PIK3C3: variants seen among roughly 807,000 people sequenced by gnomAD.
PIK3C3 encodes PI3-kinase type 3.
In PIK3C3, 95 loss-of-function variants were observed where a neutral mutation model predicts 126.1. The ratio of observed to expected loss-of-function variants is 0.75; its 90% CI spans 0.64 to 0.89. The LOEUF (loss-of-function observed/expected upper bound fraction) is 0.89, where lower values mean the gene tolerates loss of function less well. Ranked by LOEUF, PIK3C3 falls within the 40% of genes least tolerant of loss-of-function variation. PIK3C3 has a pLI of 0.00. For synonymous variants in PIK3C3, 374 were observed against 360.0 expected (o/e 1.04, Z -0.44); for missense variants, 829 against 1,063.2 (o/e 0.78, Z 3.06).
At chr18:41,969,113 CCA>C (rs1177314274) in intron 3 of PIK3C3, among the ~76,000 whole-genome samples, 2 of 151,404 alleles carry the variant, frequency 1.3e-5, no homozygotes, top group Admixed American at 6.6e-5. Context: ...GCCACCATGC[CCA>C]GTCTGTACCT....
intron 10 of PIK3C3, among the ~76,000 whole-genome samples, chr18:42,008,431 A>T (rs1982651433): frequency 6.6e-6 from 1 of 152,176 alleles, no homozygotes; most frequent in Admixed American, 6.5e-5. Context: ...GGAGTGTGGG[A>T]TATATGTAGT....
intron 19 of PIK3C3, among the ~76,000 whole-genome samples, chr18:42,043,356 G>T (rs1341234530): frequency 1.3e-5 from 2 of 152,126 alleles, no homozygotes; most frequent in African/African-American, 4.8e-5. Context: ...CTCCCAAAGT[G>T]CTGGAATTAC....
intron 24 of PIK3C3, among the ~76,000 whole-genome samples, chr18:42,073,477 G>C (rs1396874428): frequency 6.6e-6 from 1 of 152,174 alleles, no homozygotes; most frequent in Non-Finnish European, 1.5e-5. Context: ...TCTCTCAAAA[G>C]TGTTTCAGTT....
chr18:42,087,088 TTGTC>T lies in PIK3C3; in HGVS notation c.*5954_*5957del, dbSNP rs983320698. On this transcript the variant is annotated 3_prime_UTR_variant, in exon 25 of 25. Coordinates refer to ENST00000262039, the MANE Select transcript of PIK3C3 (RefSeq NM_002647.4). ...TTTCAGCCCTTTTGAAGTGGGTACA[TTGTC>T]TGGAGTACATACCCTGGGGTTCATT... 2 of 152,170 alleles carry T rather than the reference TTGTC, an allele frequency of 1.3e-5. No individual in the cohort carries two copies. The highest frequency in any genetic ancestry group is 4.8e-5 in the African/African-American group (2 of 41,446). The allele number at this position is 152,170 out of a possible 1,614,324, so 9.4% of individuals were successfully genotyped here. A position where few individuals can be genotyped will look rare whatever the true frequency, so the allele number is the denominator to read the frequency against.
In PIK3C3 at chr18:42,082,464, T is replaced by C. The variant is rs2062792331; in HGVS notation, c.*1327T>C. ...CTGCTGATTAGAAAAATGGTAAAAATGAAAATACCTTTGTACATCATCTTA... is the reference window on the plus strand; with the variant it reads ...CTGCTGATTAGAAAAATGGTAAAAACGAAAATACCTTTGTACATCATCTTA... On this transcript the variant is annotated 3_prime_UTR_variant, in exon 25 of 25. Coordinates refer to ENST00000262039, the MANE Select transcript of PIK3C3 (RefSeq NM_002647.4). 1 of 152,150 alleles carries C rather than the reference T, an allele frequency of 6.6e-6. No individual in the cohort carries two copies. Among genetic ancestry groups the C allele is most frequent in the South Asian group, 2.1e-4 (1 of 4,832 alleles). 9.4% of individuals were successfully genotyped at this position (152,150 alleles called of 1,614,324 possible).
intron 24 of PIK3C3, among the ~76,000 whole-genome samples, chr18:42,070,929 A>G (rs1985747834): frequency 6.6e-6 from 1 of 152,220 alleles, no homozygotes; most frequent in South Asian, 2.1e-4. Context: ...CATTTTATAC[A>G]CATTAACAGA....
intron 15 of PIK3C3, among the ~76,000 whole-genome samples, chr18:42,030,191 A>G (rs575611931): frequency 1.3e-5 from 2 of 152,192 alleles, no homozygotes; most frequent in Non-Finnish European, 2.9e-5. Flanking sequence ...TGAGAAAACA[A>G]AAGTCCAGAT....
intron 21 of PIK3C3, among the ~76,000 whole-genome samples, chr18:42,057,065 C>CCT (rs34551238): frequency 2.1e-5 from 3 of 142,394 alleles, no homozygotes; most frequent in African/African-American, 7.7e-5. Context: ...TGAACCCCCC[C>CCT]CCCCGTGTTG....
intron 4 of PIK3C3, among the ~76,000 whole-genome samples, chr18:41,975,804 A>T (rs1980892040): frequency 6.7e-6 from 1 of 148,492 alleles, no homozygotes. Flanking sequence ...AGTTCATGCC[A>T]TTCTCCTGCC....
intron 15 of PIK3C3, among the ~76,000 whole-genome samples, chr18:42,030,463 G>T (rs1213960024): frequency 6.6e-6 from 1 of 152,088 alleles, no homozygotes; most frequent in African/African-American, 2.4e-5. Context: ...ACATTTTAGT[G>T]TTCCTTTGAC....
At chr18:42,022,079 T>G (rs914720436) in intron 13 of PIK3C3, among the ~76,000 whole-genome samples, 10 of 152,344 alleles carry the variant, frequency 6.6e-5, no homozygotes, top group Non-Finnish European at 1.0e-4. Flanking sequence ...GAGGTAATGC[T>G]CTGCTGGGTA....
At chr18:41,992,182 A>G (rs747915196) in intron 6 of PIK3C3, among the ~76,000 whole-genome samples, 3 of 152,174 alleles carry the variant, frequency 2.0e-5, no homozygotes, top group Admixed American at 6.6e-5. Flanking sequence ...CCACCCTGTC[A>G]TATTTCCACT....
chr18:42,057,100 C>T (rs1985102908), intron 21 of PIK3C3, among the ~76,000 whole-genome samples: 1 of 130,446 alleles, frequency 7.7e-6, no homozygotes, highest in Non-Finnish European at 1.6e-5. Context: ...TAAATATGTA[C>T]AACGTGAAAC....
At position 42,084,635 on chromosome 18, in the gene PIK3C3, G is replaced by A. The variant is rs1171660922; in HGVS notation, c.*3498G>A. The stretch of plus-strand genomic sequence containing the variant: ...AAAACAGAATAAGCCTCAGAAGATA[G>A]TGAGCATCCCACCTGGGTGACCACT... On this transcript the variant is annotated 3_prime_UTR_variant, in exon 25 of 25. Coordinates refer to ENST00000262039, the MANE Select transcript of PIK3C3 (RefSeq NM_002647.4). The A allele has an allele frequency of 6.8e-6, 1 of 147,578 alleles. No homozygotes were observed. The highest frequency in any genetic ancestry group is 2.5e-5 in the African/African-American group (1 of 40,114). 9.1% of individuals were successfully genotyped at this position (147,578 alleles called of 1,614,324 possible).
intron 10 of PIK3C3, among the ~76,000 whole-genome samples, chr18:42,011,696 A>G (rs1982834241): frequency 6.6e-6 from 1 of 152,198 alleles, no homozygotes; most frequent in African/African-American, 2.4e-5. Flanking sequence ...GCTGCTCAGT[A>G]TGAGAGACTT....
intron 4 of PIK3C3, 129 bp downstream of exon 4, chr18:41,970,585 T>C (rs931589741): frequency 3.4e-5 from 29 of 843,496 alleles, no homozygotes; most frequent in Non-Finnish European, 5.4e-5. Flanking sequence ...AATTGTTTTA[T>C]TGAGATATAA....
At chr18:41,987,939 A>C (rs757476291) in intron 5 of PIK3C3, 41 bp downstream of exon 5, 32 of 1,200,328 alleles carry the variant, frequency 2.7e-5, no homozygotes, top group South Asian at 1.2e-4. Context: ...ATTTTCTGTA[A>C]ATTTTTAAAT....
chr18:42,018,313 C>T (rs1303179875), intron 12 of PIK3C3, among the ~76,000 whole-genome samples: 1 of 151,860 alleles, frequency 6.6e-6, no homozygotes, highest in Non-Finnish European at 1.5e-5. Flanking sequence ...TTAAATTCAA[C>T]TTTTCTTTAT....
intron 24 of PIK3C3, among the ~76,000 whole-genome samples, chr18:42,071,290 A>G (rs1198383652): frequency 2.6e-5 from 4 of 152,226 alleles, no homozygotes; most frequent in Non-Finnish European, 4.4e-5. Flanking sequence ...TGTTTGGGAC[A>G]ATAACAGCTT....
Sources: gnomAD v4.1 joint callset for allele counts (sites outside exome capture counted in the v4.1 genomes callset) on GRCh38, gnomAD v4.1.1 for gene constraint, MANE v1.5 for transcripts, NCBI Gene and HGNC (gene_info 2026-07-23, HGNC 2026-07-21) for gene names.